TNPO1: variants seen among roughly 807,000 people sequenced by gnomAD.
The protein encoded by TNPO1 is transportin 1.
Under a neutral mutation model 119.5 loss-of-function variants are expected in TNPO1, and 8 were observed. The observed-to-expected ratio is 0.07, with a 90% CI of 0.04 to 0.12. The LOEUF is 0.12. Among genes scored for constraint, TNPO1 ranks in the 10% least tolerant of loss-of-function variants. The pLI is 1.00. For synonymous variants in TNPO1, 362 were observed against 363.0 expected, an observed-to-expected ratio of 1.00 and a Z score of 0.03; for missense variants, 576 against 1,089.8, an observed-to-expected ratio of 0.53 and a Z score of 6.64.
chr5:72,896,981 G>A, intron 19 of TNPO1, 75 bp from the exon 20 acceptor site: 2 of 811,160 alleles, frequency 2.5e-6, no homozygotes, highest in Non-Finnish European at 3.7e-6. Context: ...AATACGGGAA[G>A]CAAAATATTT....
At chr5:72,883,264 A>G in intron 11 of TNPO1, 32 bp downstream of exon 11, 1 of 997,928 alleles carries the variant, frequency 1.0e-6, no homozygotes, top group East Asian at 2.4e-5. Context: ...ACAGTTGCCT[A>G]CTTTGATGAT....
chr5:72,891,925 T>C, intron 15 of TNPO1, 29 bp downstream of exon 15: 2 of 1,559,936 alleles, frequency 1.3e-6, no homozygotes, highest in Non-Finnish European at 1.8e-6. Context: ...ATTTAATCTG[T>C]TGCCAAGAAC....
intron 4 of TNPO1, among the ~76,000 whole-genome samples, chr5:72,861,233 G>A (rs1746423574): frequency 6.6e-6 from 1 of 151,424 alleles, no homozygotes; most frequent in Non-Finnish European, 1.5e-5. Context: ...TTTAATTGGT[G>A]GAGCTATTCT....
intron 1 of TNPO1, among the ~76,000 whole-genome samples, chr5:72,846,727 G>A (rs569482176): frequency 6.6e-6 from 1 of 152,268 alleles, no homozygotes; most frequent in Admixed American, 6.5e-5. Flanking sequence ...TCTATCTTGA[G>A]CTGGGTGTTG....
At chr5:72,893,342 A>G in intron 16 of TNPO1, 35 bp from the exon 17 acceptor site, 2 of 1,608,430 alleles carry the variant, frequency 1.2e-6, no homozygotes, top group Non-Finnish European at 1.7e-6. Context: ...GTTAATTAAA[A>G]CCAAACTTAC....
intron 1 of TNPO1, among the ~76,000 whole-genome samples, chr5:72,828,689 A>G (rs1480459232): frequency 1.3e-5 from 2 of 148,378 alleles, no homozygotes; most frequent in South Asian, 2.2e-4. Flanking sequence ...CCACATTACA[A>G]TTTTGCCAGT....
intron 7 of TNPO1, among the ~76,000 whole-genome samples, chr5:72,875,380 C>T (rs938520300): frequency 6.6e-6 from 1 of 152,170 alleles, no homozygotes; most frequent in South Asian, 2.1e-4. Flanking sequence ...TAAAAATTTC[C>T]TCAAAGTACA....
At chr5:72,825,172 A>G (rs1744148500) in intron 1 of TNPO1, among the ~76,000 whole-genome samples, 1 of 152,178 alleles carries the variant, frequency 6.6e-6, no homozygotes, top group African/African-American at 2.4e-5. Flanking sequence ...GAAATAGGTT[A>G]CTACCTGGTC....
In TNPO1 at chr5:72,887,249, G is replaced by C. The variant is rs745895531; in HGVS notation, c.1303+27G>C. 6 of 1,179,818 alleles carry C rather than the reference G, an allele frequency of 5.1e-6. No homozygotes were observed. In the Admixed American group the frequency reaches 1.3e-4, roughly 25 times the overall value. The allele number at this position is 1,179,818 out of a possible 1,614,324, so 73.1% of individuals were successfully genotyped here. A position where few individuals can be genotyped will look rare whatever the true frequency, so the allele number is the denominator to read the frequency against. On this transcript the variant is annotated intron_variant, in intron 12 of 24. Transcript: ENST00000337273. ...TAAGCCTAAGTCCAGTTTGAATTAT[G>C]TAAGTTGGCTTCTTACTACTATTAG...
chr5:72,867,302 TCATC>T (rs1338012706), intron 6 of TNPO1, among the ~76,000 whole-genome samples: 3 of 152,238 alleles, frequency 2.0e-5, no homozygotes, highest in African/African-American at 7.2e-5. Flanking sequence ...ACTAAATGTA[TCATC>T]CATCTTTAAT....
At chr5:72,894,257 T>G (rs1416902443) in intron 18 of TNPO1, among the ~76,000 whole-genome samples, 1 of 152,152 alleles carries the variant, frequency 6.6e-6, no homozygotes, top group Non-Finnish European at 1.5e-5. Context: ...CTTGGCCTTC[T>G]GTGACAATGA....
intron 9 of TNPO1, among the ~76,000 whole-genome samples, chr5:72,880,631 A>G (rs140129200): frequency 1.3e-3 from 192 of 152,272 alleles, no homozygotes; most frequent in Non-Finnish European, 2.2e-3. Context: ...CTTGGCCAAC[A>G]TGGTGAAACC....
intron 3 of TNPO1, among the ~76,000 whole-genome samples, chr5:72,852,598 A>G (rs939461948): frequency 1.3e-4 from 20 of 152,232 alleles, no homozygotes; most frequent in African/African-American, 4.6e-4. Flanking sequence ...TGCACTTGGA[A>G]TTGGGAAATA....
chr5:72,880,783 T>C (rs1259013043), intron 9 of TNPO1, among the ~76,000 whole-genome samples: 2 of 134,928 alleles, frequency 1.5e-5, no homozygotes, highest in African/African-American at 2.8e-5. Context: ...GCCATTGCAC[T>C]CCAGCCTGGG....
intron 1 of TNPO1, among the ~76,000 whole-genome samples, chr5:72,818,993 G>A (rs1056620795): frequency 6.6e-6 from 1 of 152,232 alleles, no homozygotes; most frequent in South Asian, 2.1e-4. Context: ...CACAATGGAA[G>A]ACAGATGTTT....
At chr5:72,836,242 G>A (rs942654898) in intron 1 of TNPO1, among the ~76,000 whole-genome samples, 14 of 152,332 alleles carry the variant, frequency 9.2e-5, no homozygotes, top group Middle Eastern at 3.4e-3. Flanking sequence ...GGGCCTCTGC[G>A]GTGGCCCCAC....
At chr5:72,889,995 G>A in intron 14 of TNPO1, 38 bp downstream of exon 14, 1 of 1,590,494 alleles carries the variant, frequency 6.3e-7, no homozygotes, top group South Asian at 1.1e-5. Flanking sequence ...AAAATAATGT[G>A]TAGCATAGTT....
intron 9 of TNPO1, among the ~76,000 whole-genome samples, chr5:72,882,027 C>G (rs978140987): frequency 6.6e-6 from 1 of 152,166 alleles, no homozygotes; most frequent in African/African-American, 2.4e-5. Flanking sequence ...TCTGTCCTCA[C>G]CATTTCCTTG....
At chr5:72,872,047 G>C (rs1410683216) in intron 6 of TNPO1, among the ~76,000 whole-genome samples, 2 of 152,178 alleles carry the variant, frequency 1.3e-5, no homozygotes, top group East Asian at 1.9e-4. Flanking sequence ...TGAGAGTATA[G>C]TGTGGTCTGT....
Sources: gnomAD v4.1 joint callset for allele counts (sites outside exome capture counted in the v4.1 genomes callset) on GRCh38, gnomAD v4.1.1 for gene constraint, MANE v1.5 for transcripts, NCBI Gene and HGNC (gene_info 2026-07-23, HGNC 2026-07-21) for gene names.